The following PLA2G4B variants were observed in gnomAD, a reference collection of about 807,000 sequenced individuals.
PLA2G4B encodes cytosolic phospholipase A2 beta.
A neutral mutation model predicts 95.8 loss-of-function variants in PLA2G4B; 122 were observed. That is an observed-to-expected ratio of 1.27 (90% CI 1.10 to 1.48). The LOEUF is 1.48. PLA2G4B is among the 40% of genes most tolerant of loss of function. The pLI, the probability that PLA2G4B is intolerant of heterozygous loss-of-function variation, is 0.00. For synonymous variants in PLA2G4B, 518 were observed against 421.5 expected, an observed-to-expected ratio of 1.23 and a Z score of -2.80; for missense variants, 1,158 against 996.2, an observed-to-expected ratio of 1.16 and a Z score of -2.19.
intron 1 of PLA2G4B, 136 bp from the exon 2 acceptor site, chr15:41,840,022 C>G (rs2065394829): frequency 2.1e-6 from 2 of 965,372 alleles, no homozygotes; most frequent in African/African-American, 1.6e-5. Context: ...CTTGTTGATT[C>G]AGGATTCTGA....
Position 41,847,934 on chromosome 15 carries a change from C to CGCAGTGCT in PLA2G4B, c.*75_*82dup. 6.5e-7 allele frequency: 1 copy of CGCAGTGCT among 1,527,780 alleles called. No individual in the cohort carries two copies. Among genetic ancestry groups the CGCAGTGCT allele is most frequent in the Non-Finnish European group, 8.8e-7 (1 of 1,136,844 alleles). The allele number at this position is 1,527,780 out of a possible 1,614,324, so 94.6% of individuals were successfully genotyped here. A position where few individuals can be genotyped will look rare whatever the true frequency, so the allele number is the denominator to read the frequency against. ...GAGTTGCAGGTGGGAACTGTCATCA[C>CGCAGTGCT]GCAGTGCTTCAGAGCCTCGGGCTCA... On this transcript the variant is annotated 3_prime_UTR_variant, in exon 20 of 20. Coordinates refer to ENST00000458483, the MANE Select transcript of PLA2G4B (RefSeq NM_001114633.2).
Position 41,840,881 on chromosome 15 carries a change from C to T in PLA2G4B, c.327C>T (p.Arg109=), listed in dbSNP as rs777957182. Reference sequence around the variant, plus strand: ...CTCTGCGGGCTGGGGAGTTCCGGCGCGAGAGCTTCTCACTGAGCCCTCAGG... The same window carrying T: ...CTCTGCGGGCTGGGGAGTTCCGGCGTGAGAGCTTCTCACTGAGCCCTCAGG... The part of the protein sequence containing the change: ...AGTLRAGEFR[R]ESFSLSPQGE... Residue 109 remains arginine (R), a synonymous_variant, in exon 4 of 20, where the codon CGC becomes CGT. Transcript: ENST00000458483. 8 of 1,613,544 alleles carry T rather than the reference C, an allele frequency of 5.0e-6. No homozygotes were observed. Among genetic ancestry groups the T allele is most frequent in the African/African-American group, 1.3e-5 (1 of 74,922 alleles).
intron 18 of PLA2G4B, 91 bp from the exon 19 acceptor site, chr15:41,847,246 G>A (rs2065577064): frequency 6.7e-7 from 1 of 1,491,210 alleles, no homozygotes; most frequent in Non-Finnish European, 8.9e-7. Context: ...TTTGGCATTT[G>A]AGCCCCAGGT....
Position 41,847,750 on chromosome 15 carries a change from G to T in PLA2G4B, c.2236G>T (p.Val746Leu). The T allele has an allele frequency of 6.2e-7, 1 of 1,613,712 alleles. No individual in the cohort carries two copies. Residue 746 changes from valine to leucine, a missense_variant, in exon 20 of 20, where the codon GTG becomes TTG. Val to Leu is a conservative substitution (Grantham distance 32). Coordinates refer to ENST00000458483, the MANE Select transcript of PLA2G4B (RefSeq NM_001114633.2). ...GAAGGTGACCTACAGCCAGGAGGACGTGGACAAGCTGCTGCACCTGACACA... is the reference window on the plus strand; with the variant it reads ...GAAGGTGACCTACAGCCAGGAGGACTTGGACAAGCTGCTGCACCTGACACA... ...YTKVTYSQED[V>L]DKLLHLTHYN...
intron 19 of PLA2G4B, 43 bp downstream of exon 19, chr15:41,847,566 C>A (rs763536790): frequency 1.9e-6 from 3 of 1,605,502 alleles, no homozygotes; most frequent in South Asian, 1.1e-5. Flanking sequence ...CCCAGTCCCC[C>A]ACACCTCCTC....
rs2065421660 is a variant in PLA2G4B at position 41,841,048 on chromosome 15, T to C, written c.352-7T>C. ...CCTTTCTAACTTACTTCTGGCTCTC[T>C]TCCCAGGGTGAGGGGCGCCTGGAAG... On this transcript the variant is annotated splice_region_variant and splice_polypyrimidine_tract_variant and intron_variant, in intron 4 of 19. Coordinates refer to ENST00000458483, the MANE Select transcript of PLA2G4B (RefSeq NM_001114633.2). 1 of 1,575,456 alleles carries C rather than the reference T, an allele frequency of 6.3e-7. No individual in the cohort carries two copies. Among genetic ancestry groups the C allele is most frequent in the Non-Finnish European group, 8.6e-7 (1 of 1,158,056 alleles).
rs2065611417 is a variant in PLA2G4B at position 41,847,998 on chromosome 15, C to T, written c.*138C>T. The stretch of plus-strand genomic sequence containing the variant: ...CAGGGTCCAGGCTGAGGGCTGGGAG[C>T]TCCCTTGCGCCTCAGCAGTTTGCAG... On this transcript the variant is annotated 3_prime_UTR_variant, in exon 20 of 20. Transcript: ENST00000458483. 7 of 1,207,252 alleles carry T rather than the reference C, an allele frequency of 5.8e-6. No individual in the cohort carries two copies. In the South Asian group the frequency reaches 6.2e-5, roughly 11 times the overall value. 74.8% of individuals were successfully genotyped at this position (1,207,252 alleles called of 1,614,324 possible).
chr15:41,841,710 C>T, intron 7 of PLA2G4B, 109 bp from the exon 8 acceptor site: 1 of 1,566,890 alleles, frequency 6.4e-7, no homozygotes, highest in South Asian at 1.2e-5. Flanking sequence ...CCATCTCCAC[C>T]AGACCATTTC....
At position 41,845,770 on chromosome 15, in the gene PLA2G4B, TAGA is replaced by T; in HGVS notation, c.1493_1495del (p.Glu498del). The T allele has an allele frequency of 1.3e-6, 2 of 1,597,118 alleles. No homozygotes were observed. Among genetic ancestry groups the T allele is most frequent in the Non-Finnish European group, 1.7e-6 (2 of 1,170,892 alleles). ...CTTCCTGAGTCCCGCATCTGCTTCT[TAGA>T]AGGTGAGGGGCACTGGCAGGCTGGG... On this transcript the variant is annotated inframe_deletion and splice_region_variant, in exon 15 of 20. Transcript: ENST00000458483.
At chr15:41,839,572 C>T (rs16972136) in intron 1 of PLA2G4B, 29,152 of 153,854 alleles carry the variant, frequency 0.19, 2,953 homozygotes, top group African/African-American at 0.25. Flanking sequence ...TTCCAGGATG[C>T]TCTTCTGACC....
intron 11 of PLA2G4B, 23 bp downstream of exon 11, chr15:41,843,834 G>T: frequency 6.2e-7 from 1 of 1,611,284 alleles, no homozygotes; most frequent in East Asian, 2.2e-5. Flanking sequence ...GGCTGGATGG[G>T]GTGTCCCCGG....
rs1036680220 is a variant in PLA2G4B at position 41,844,580 on chromosome 15, A to G, written c.989A>G (p.Tyr330Cys). 6.2e-6 allele frequency: 10 copies of G among 1,613,992 alleles called. No individual in the cohort carries two copies. The highest frequency in any genetic ancestry group is 7.6e-6 in the Non-Finnish European group (9 of 1,180,016). ...CTGGGCCTCTTGGATTGCGTCTCCT[A>G]CATCACCGGGGCCTCGGGCTCCACC... ...KELGLLDCVS[Y>C]ITGASGSTWA... The change falls in exon 12 of 20, where the codon TAC becomes TGC. Residue 330 changes from tyrosine (Y) to cysteine (C), a missense_variant. Coordinates refer to ENST00000458483, the MANE Select transcript of PLA2G4B (RefSeq NM_001114633.2).
At position 41,848,077 on chromosome 15, in the gene PLA2G4B, T is replaced by A. The variant is rs1184295732; in HGVS notation, c.*217T>A. 16 of 635,566 alleles carry A rather than the reference T, an allele frequency of 2.5e-5. No individual in the cohort carries two copies. Among genetic ancestry groups the A allele is most frequent in the Non-Finnish European group, 4.3e-5 (16 of 371,068 alleles). 39.4% of individuals were successfully genotyped at this position (635,566 alleles called of 1,614,324 possible). A position where few individuals can be genotyped will look rare whatever the true frequency, so the allele number is the denominator to read the frequency against. On this transcript the variant is annotated 3_prime_UTR_variant, in exon 20 of 20. Coordinates refer to ENST00000458483, the MANE Select transcript of PLA2G4B (RefSeq NM_001114633.2). ...TAATCACCCAAAACCCCCCGGCCTG[T>A]GCCTGTTTTCCCTTCTGCGCTACCT... is the stretch of plus-strand genomic sequence containing the variant.
At position 41,843,613 on chromosome 15, in the gene PLA2G4B, C is replaced by T. The variant is rs576223537; in HGVS notation, c.744-63C>T. 5.7e-6 allele frequency: 9 copies of T among 1,579,406 alleles called. No homozygotes were observed. The East Asian group carries it at 1.8e-4, about 32-fold the overall frequency. ...AGTAGGTATTACAGGTGAGGCAGACCCAGCTTTCCATTCTCTGGGGAGGGT... is the reference window on the plus strand; with the variant it reads ...AGTAGGTATTACAGGTGAGGCAGACTCAGCTTTCCATTCTCTGGGGAGGGT... On this transcript the variant is annotated intron_variant, in intron 10 of 19. Coordinates refer to ENST00000458483, the MANE Select transcript of PLA2G4B (RefSeq NM_001114633.2).
At chr15:41,841,433 C>G in intron 6 of PLA2G4B, 84 bp from the exon 7 acceptor site, 3 of 1,610,916 alleles carry the variant, frequency 1.9e-6, no homozygotes, top group Non-Finnish European at 2.5e-6. Context: ...GAAGTGCAGA[C>G]CAGCAGCAGC....
rs114676793 is a variant in PLA2G4B at position 41,846,133 on chromosome 15, C to T, written c.1601-70C>T. 2,154 of 1,587,334 alleles carry T rather than the reference C, an allele frequency of 1.4e-3. 31 individuals are homozygous for T. The African/African-American group carries it at 0.027, about 20-fold the overall frequency. The stretch of plus-strand genomic sequence containing the variant: ...GGGCGGGGGGTTCACACCTCTTCCC[C>T]CTCCAGGGTCACCACCAAGGTGGGG... On this transcript the variant is annotated intron_variant, in intron 16 of 19. Transcript: ENST00000458483.
At position 41,843,812 on chromosome 15, in the gene PLA2G4B, G is replaced by A; in HGVS notation, c.879+1G>A. 6 of 1,613,688 alleles carry A rather than the reference G, an allele frequency of 3.7e-6. No individual in the cohort carries two copies. Among genetic ancestry groups the A allele is most frequent in the Non-Finnish European group, 5.1e-6 (6 of 1,179,772 alleles). On this transcript the variant is annotated splice_donor_variant, in intron 11 of 19. Coordinates refer to ENST00000458483, the MANE Select transcript of PLA2G4B (RefSeq NM_001114633.2). LOFTEE classifies it high-confidence loss of function. ...GGACGGAGACCTGCAGGAGGATGAGGTTTGGGGGCTGGGCTGGATGGGGTG... is the reference window on the plus strand; with the variant it reads ...GGACGGAGACCTGCAGGAGGATGAGATTTGGGGGCTGGGCTGGATGGGGTG...
intron 2 of PLA2G4B, 93 bp from the exon 3 acceptor site, chr15:41,840,431 A>G: frequency 6.2e-7 from 1 of 1,604,694 alleles, no homozygotes; most frequent in South Asian, 1.1e-5. Context: ...CCTCAGTCTT[A>G]ACCCACATGG....
intron 2 of PLA2G4B, 48 bp downstream of exon 2, chr15:41,840,278 G>A (rs1284700824): frequency 6.3e-7 from 1 of 1,588,096 alleles, no homozygotes. Flanking sequence ...GGGAGGAGGA[G>A]GGTGCTGAGG....
Sources: gnomAD v4.1 joint callset for allele counts on GRCh38, gnomAD v4.1.1 for gene constraint, MANE v1.5 for transcripts, NCBI Gene and HGNC (gene_info 2026-07-23, HGNC 2026-07-21) for gene names.